The following MRPL28 variants were observed in gnomAD, a reference collection of about 807,000 sequenced individuals.
The protein encoded by MRPL28 is large ribosomal subunit protein bL28m.
In MRPL28, 25 loss-of-function variants were observed where a neutral mutation model predicts 26.2. That is an observed-to-expected ratio of 0.95 (90% CI 0.69 to 1.33). The LOEUF (loss-of-function observed/expected upper bound fraction) is 1.33, where lower values mean the gene tolerates loss of function less well. Among genes scored for constraint, MRPL28 ranks in the 40% most tolerant of loss-of-function variants. The probability of loss-of-function intolerance (pLI) is 0.00; values close to 1 mark genes in which losing one functional copy is unlikely to be tolerated. For missense variants in MRPL28, 432 were observed against 327.2 expected, an observed-to-expected ratio of 1.32 and a Z score of -2.47; for synonymous variants, 227 against 140.1, an observed-to-expected ratio of 1.62 and a Z score of -4.38.
chr16:369,540 A>C, intron 2 of MRPL28: 1 of 606,108 alleles, frequency 1.6e-6, no homozygotes, highest in Non-Finnish European at 3.1e-6. Flanking sequence ...TGGAGGTGAC[A>C]CAAGTCTCCC....
rs764892143 is a variant in MRPL28, at chr16:368,431, G to A, written c.577-17C>T. On this transcript the variant is annotated splice_polypyrimidine_tract_variant and intron_variant, in intron 4 of 5. Coordinates refer to ENST00000199706, the MANE Select transcript of MRPL28 (RefSeq NM_006428.5). ...GGCAAATTCCTAGGCAGGCAGAGATGGAAAGGGCAGTGAGGCCCAGGGCCG... is the reference window on the plus strand; with the variant it reads ...GGCAAATTCCTAGGCAGGCAGAGATAGAAAGGGCAGTGAGGCCCAGGGCCG... 3.7e-6 allele frequency: 6 copies of A among 1,613,428 alleles called. No homozygotes were observed. The South Asian group carries it at 4.4e-5, about 12-fold the overall frequency.
chr16:367,809 G>A (rs1444101006), intron 5 of MRPL28, 27 bp from the exon 6 acceptor site: 2 of 1,597,694 alleles, frequency 1.3e-6, no homozygotes, highest in Non-Finnish European at 1.7e-6. Flanking sequence ...CTCATGGTGA[G>A]GCCAGGGAAG....
rs768500118 is a variant in MRPL28, at chr16:367,763, T to C, written c.683A>G (p.Lys228Arg). The change falls in exon 6 of 6, where the codon AAG (lysine) becomes AGG (arginine). Residue 228 changes from lysine to arginine, a missense_variant. By Grantham distance (26) the Lys-to-Arg change is conservative. Coordinates refer to ENST00000199706, the MANE Select transcript of MRPL28 (RefSeq NM_006428.5). ...LEEKDPVPLF[K>R]IYVAELIQQL... ...CTGGATCAGCTCCGCCACATAGATC[T>C]TGAACAGGGGTACAGGGTCCTGAAG... The C allele has an allele frequency of 6.2e-7, 1 of 1,613,764 alleles. No homozygotes were observed. The highest frequency in any genetic ancestry group is 1.1e-5 in the South Asian group (1 of 91,084).
chr16:367,612 T>A lies in MRPL28; in HGVS notation c.*63A>T. 2 of 1,450,848 alleles carry A rather than the reference T, an allele frequency of 1.4e-6. No homozygotes were observed. Among genetic ancestry groups the A allele is most frequent in the Non-Finnish European group, 1.9e-6 (2 of 1,037,352 alleles). The allele number at this position is 1,450,848 out of a possible 1,614,324, so 89.9% of individuals were successfully genotyped here. A position where few individuals can be genotyped will look rare whatever the true frequency, so the allele number is the denominator to read the frequency against. On this transcript the variant is annotated 3_prime_UTR_variant, in exon 6 of 6. Coordinates refer to ENST00000199706, the MANE Select transcript of MRPL28 (RefSeq NM_006428.5). ...TCACAGCTCCCCGGGATCTGTGTCC[T>A]CAGTGCAAAGGGCCTGGCAGGGAAA... is the stretch of plus-strand genomic sequence containing the variant.
At chr16:367,951 G>T (rs1301088248) in intron 5 of MRPL28, among the ~76,000 whole-genome samples, 169 bp from the exon 6 acceptor site, 1 of 152,220 alleles carries the variant, frequency 6.6e-6, no homozygotes, top group Non-Finnish European at 1.5e-5. Flanking sequence ...GATGCCGGAG[G>T]CACACACATA....
In MRPL28 at chr16:369,987, C is replaced by T. The variant is rs373638524; in HGVS notation, c.232G>A (p.Gly78Arg). 1.2e-6 allele frequency: 2 copies of T among 1,612,894 alleles called. No homozygotes were observed. The highest frequency in any genetic ancestry group is 2.7e-5 in the African/African-American group (2 of 74,900). Residue 78 changes from glycine to arginine, a missense_variant, in exon 2 of 6, where the codon GGG (glycine) becomes AGG (arginine). Coordinates refer to ENST00000199706, the MANE Select transcript of MRPL28 (RefSeq NM_006428.5). ...ATCCAGCCCTCGCCGCCCCACAACC[C>T]CCGCTGGGATTCGGGGGGAAAGTAG... is the stretch of plus-strand genomic sequence containing the variant. ...PIYFPPESQR[G>R]LWGGEGWILG...
At chr16:369,789 T>C in intron 2 of MRPL28, 142 bp downstream of exon 2, 1 of 1,082,326 alleles carries the variant, frequency 9.2e-7, no homozygotes, top group Non-Finnish European at 1.3e-6. Flanking sequence ...TCACTCAGCG[T>C]GCTCCTTTGC....
At chr16:368,282 C>G in intron 5 of MRPL28, 46 bp downstream of exon 5, 1 of 1,593,678 alleles carries the variant, frequency 6.3e-7, no homozygotes, top group Non-Finnish European at 8.6e-7. Flanking sequence ...AGACCCTGAA[C>G]ACCAGGCTCT....
At position 367,833 on chromosome 16, in the gene MRPL28, G is replaced by A. The variant is rs779569189; in HGVS notation, c.664-51C>T. On this transcript the variant is annotated intron_variant, in intron 5 of 5. Coordinates refer to ENST00000199706, the MANE Select transcript of MRPL28 (RefSeq NM_006428.5). ...AGGCCAGGGAAGCCCAGGGCAGCTG[G>A]AGTTCCGACGGGGATGGGATCAGCA... is the stretch of plus-strand genomic sequence containing the variant. 4.0e-6 allele frequency: 6 copies of A among 1,507,356 alleles called. No individual in the cohort carries two copies. In the Admixed American group the frequency reaches 1.0e-4, roughly 26 times the overall value. The allele number at this position is 1,507,356 out of a possible 1,614,324, so 93.4% of individuals were successfully genotyped here.
Position 367,385 on chromosome 16 carries a change from A to G in MRPL28, c.*290T>C. ...GAACACCAGTCCTCAAAGCAAAGAT[A>G]CACACACACAGCCTGGCCCAGACTT... On this transcript the variant is annotated 3_prime_UTR_variant, in exon 6 of 6. Coordinates refer to ENST00000199706, the MANE Select transcript of MRPL28 (RefSeq NM_006428.5). 1 of 677,990 alleles carries G rather than the reference A, an allele frequency of 1.5e-6. No homozygotes were observed. Among genetic ancestry groups the G allele is most frequent in the South Asian group, 1.6e-5 (1 of 63,990 alleles). The allele number at this position is 677,990 out of a possible 1,614,324, so 42.0% of individuals were successfully genotyped here. A position where few individuals can be genotyped will look rare whatever the true frequency, so the allele number is the denominator to read the frequency against.
chr16:369,412 T>C, intron 2 of MRPL28, 192 bp from the exon 3 acceptor site: 1 of 667,100 alleles, frequency 1.5e-6, no homozygotes, highest in South Asian at 1.8e-5. Context: ...CCTGACTGTG[T>C]ACCCAGAAGT....
Position 367,710 on chromosome 16 carries a change from GCT to G in MRPL28, c.734_735del (p.Glu245AlafsTer20), listed in dbSNP as rs1208666099. 6.2e-7 allele frequency: 1 copy of G among 1,613,766 alleles called. No homozygotes were observed. The highest frequency in any genetic ancestry group is 1.3e-5 in the African/African-American group (1 of 74,940). Reference sequence around the variant, plus strand: ...CTGGCTCTCTTCTGCACCACCGCCGGCTCTGACAGTGCCTGCTGCTGCAGCTG... The same window carrying G: ...CTGGCTCTCTTCTGCACCACCGCCGGCTGACAGTGCCTGCTGCTGCAGCTG... ...IQQLQQQALSEPAVVQKRASG... is the reference protein window; with the variant it reads ...IQQLQQQALSXPAVVQKRASG... On this transcript the variant is annotated frameshift_variant, in exon 6 of 6. Transcript: ENST00000199706. LOFTEE classifies it high-confidence loss of function.
At chr16:368,255 C>A in intron 5 of MRPL28, 73 bp downstream of exon 5, 1 of 1,545,418 alleles carries the variant, frequency 6.5e-7, no homozygotes, top group Non-Finnish European at 8.9e-7. Flanking sequence ...AGGCTCTCTC[C>A]AAGGCAGCAC....
In MRPL28 at chr16:370,121, T is replaced by G; in HGVS notation, c.98A>C (p.Glu33Ala). ...RLPGHYLRSL[E>A]EERTPTPVHY... is the part of the protein sequence containing the mutation. ...CACGGGAGTGGGCGTCCGCTCCTCCTCCAGGGAGCGCAGGTAGTGGCCGGG... is the reference window on the plus strand; with the variant it reads ...CACGGGAGTGGGCGTCCGCTCCTCCGCCAGGGAGCGCAGGTAGTGGCCGGG... The change falls in exon 2 of 6, where the codon GAG becomes GCG. Residue 33 changes from glutamate to alanine, a missense_variant. Transcript: ENST00000199706. The G allele has an allele frequency of 1.2e-6, 2 of 1,608,700 alleles. No homozygotes were observed. Among genetic ancestry groups the G allele is most frequent in the Non-Finnish European group, 1.7e-6 (2 of 1,178,252 alleles).
At position 370,267 on chromosome 16, in the gene MRPL28, A is replaced by ACTCACCCCCTACCCC. The variant is rs754552194; in HGVS notation, c.-7-43_-7-42insGGGGTAGGGGGTGAG. ...GCTCGCAGTCAGTCGCAGCCTGGCCAGGCCCCCGGCACTCACCCCCTACCC... is the reference window on the plus strand; with the variant it reads ...GCTCGCAGTCAGTCGCAGCCTGGCCACTCACCCCCTACCCCGGCCCCCGGCACTCACCCCCTACCC... On this transcript the variant is annotated intron_variant, in intron 1 of 5. Coordinates refer to ENST00000199706, the MANE Select transcript of MRPL28 (RefSeq NM_006428.5). 23 of 933,408 alleles carry ACTCACCCCCTACCCC rather than the reference A, an allele frequency of 2.5e-5. 6 individuals are homozygous for ACTCACCCCCTACCCC. In the African/African-American group the frequency reaches 5.1e-4, roughly 21 times the overall value. The allele number at this position is 933,408 out of a possible 1,614,324, so 57.8% of individuals were successfully genotyped here. A position where few individuals can be genotyped will look rare whatever the true frequency, so the allele number is the denominator to read the frequency against.
Position 367,641 on chromosome 16 carries a change from G to A in MRPL28, c.*34C>T. The A allele has an allele frequency of 6.4e-7, 1 of 1,561,770 alleles. No individual in the cohort carries two copies. Among genetic ancestry groups the A allele is most frequent in the Non-Finnish European group, 8.8e-7 (1 of 1,133,790 alleles). ...TGCAAAGGGCCTGGCAGGGAAAGCT[G>A]GGCCTGTTGGTCAGGCATGGAGGAG... On this transcript the variant is annotated 3_prime_UTR_variant, in exon 6 of 6. Coordinates refer to ENST00000199706, the MANE Select transcript of MRPL28 (RefSeq NM_006428.5).
Position 369,341 on chromosome 16 carries a change from T to G in MRPL28, c.289-121A>C. The G allele has an allele frequency of 2.3e-6, 3 of 1,319,242 alleles. No homozygotes were observed. The South Asian group carries it at 4.1e-5, about 18-fold the overall frequency. The allele number at this position is 1,319,242 out of a possible 1,614,324, so 81.7% of individuals were successfully genotyped here. Reference sequence around the variant, plus strand: ...CATCACAGAACCACTGCTGTCAGACTGGGGACCTAGAGCTAACTGGGCCGG... The same window carrying G: ...CATCACAGAACCACTGCTGTCAGACGGGGGACCTAGAGCTAACTGGGCCGG... On this transcript the variant is annotated intron_variant, in intron 2 of 5. Transcript: ENST00000199706.
Position 367,864 on chromosome 16 carries a change from C to T in MRPL28, c.664-82G>A, listed in dbSNP as rs947440526. The T allele has an allele frequency of 1.4e-4, 166 of 1,213,624 alleles. 1 individual carries two copies. The East Asian group carries it at 2.8e-3, about 20-fold the overall frequency. The allele number at this position is 1,213,624 out of a possible 1,614,324, so 75.2% of individuals were successfully genotyped here. A position where few individuals can be genotyped will look rare whatever the true frequency, so the allele number is the denominator to read the frequency against. On this transcript the variant is annotated intron_variant, in intron 5 of 5. Transcript: ENST00000199706. ...CGACGGGGATGGGATCAGCAGCTGCCGCCCAGAGGAACCGGGGCATGAGAG... is the reference window on the plus strand; with the variant it reads ...CGACGGGGATGGGATCAGCAGCTGCTGCCCAGAGGAACCGGGGCATGAGAG...
chr16:368,848 C>T, intron 3 of MRPL28: 1 of 991,194 alleles, frequency 1.0e-6, no homozygotes, highest in East Asian at 2.6e-5. Context: ...TCGCTCAGGC[C>T]CCACGGGCAA....
Sources: allele counts gnomAD v4.1 joint callset (sites outside exome capture counted in the v4.1 genomes callset), GRCh38; gene constraint gnomAD v4.1.1; transcripts MANE v1.5; gene names NCBI Gene and HGNC (gene_info 2026-07-23, HGNC 2026-07-21).